Variants in WIPF1 observed in about 807,000 individuals in gnomAD.
WIPF1 encodes WAS/WASL-interacting protein family member 1.
In WIPF1, 13 loss-of-function variants were observed where a neutral mutation model predicts 35.4. That is an observed-to-expected ratio of 0.37 (90% CI 0.24 to 0.58). The LOEUF is 0.58. Among genes scored for constraint, WIPF1 ranks in the 20% least tolerant of loss-of-function variants. The pLI is 0.74. For synonymous variants in WIPF1, 267 were observed against 266.3 expected, an observed-to-expected ratio of 1.00 and a Z score of -0.02; for missense variants, 591 against 667.0, an observed-to-expected ratio of 0.89 and a Z score of 1.25.
At chr2:174,607,276 G>A (rs895090048) in intron 1 of WIPF1, among the ~76,000 whole-genome samples, 6 of 151,936 alleles carry the variant, frequency 3.9e-5, no homozygotes, top group South Asian at 2.1e-4. Context: ...GGTGGCGGGC[G>A]CCTGTAATCC....
chr2:174,586,470 G>A (rs189815363), intron 1 of WIPF1, among the ~76,000 whole-genome samples: 28 of 152,262 alleles, frequency 1.8e-4, no homozygotes, highest in Admixed American at 3.9e-4. Context: ...ACCAGATTCC[G>A]TAGCTGGGTA....
chr2:174,658,742 G>A (rs1325660404), intron 1 of WIPF1, among the ~76,000 whole-genome samples: 2 of 151,106 alleles, frequency 1.3e-5, no homozygotes, highest in Non-Finnish European at 2.9e-5. Flanking sequence ...TAGCGGGATG[G>A]TCTGGTGGAG....
intron 1 of WIPF1, among the ~76,000 whole-genome samples, chr2:174,618,265 T>G: frequency 6.6e-6 from 1 of 152,192 alleles, no homozygotes; most frequent in East Asian, 1.9e-4. Context: ...AGCTGGTCTG[T>G]CCTGAAAAGC....
At chr2:174,676,733 A>C (rs1195819354) in intron 1 of WIPF1, 1 of 152,234 alleles carries the variant, frequency 6.6e-6, no homozygotes, top group East Asian at 1.9e-4. Context: ...ACCAGGAAAT[A>C]TCACTTCTTA....
chr2:174,600,836 G>GT (rs1685979311), upstream of WIPF1, among the ~76,000 whole-genome samples: 2 of 150,976 alleles, frequency 1.3e-5, no homozygotes, highest in Admixed American at 6.6e-5. Context: ...ATCTAATGCA[G>GT]GTGTTTGAAA....
chr2:174,624,176 G>C (rs1393649014), intron 1 of WIPF1, among the ~76,000 whole-genome samples: 1 of 152,182 alleles, frequency 6.6e-6, no homozygotes, highest in East Asian at 1.9e-4. Flanking sequence ...CATCTCCTCT[G>C]GGCAGGTGGT....
At chr2:174,581,810 G>A (rs1685250297) in intron 2 of WIPF1, among the ~76,000 whole-genome samples, 1 of 152,062 alleles carries the variant, frequency 6.6e-6, no homozygotes, top group Non-Finnish European at 1.5e-5. Context: ...TTCACTAGAG[G>A]GTACCCTGAA....
intron 5 of WIPF1, among the ~76,000 whole-genome samples, chr2:174,569,356 T>C (rs1684761531): frequency 6.6e-6 from 1 of 152,130 alleles, no homozygotes; most frequent in Non-Finnish European, 1.5e-5. Context: ...CCCTATCTGC[T>C]TGTCATTGCT....
At chr2:174,587,547 C>T (rs2115872) in intron 1 of WIPF1, 45,311 of 151,968 alleles carry the variant, frequency 0.3, 7,133 homozygotes, top group Non-Finnish European at 0.35. Context: ...TAAGACAGTT[C>T]GGAAGAGTCC....
At chr2:174,591,718 T>G (rs1263601818) in intron 1 of WIPF1, among the ~76,000 whole-genome samples, 1 of 146,184 alleles carries the variant, frequency 6.8e-6, no homozygotes, top group Admixed American at 6.8e-5. Context: ...CCCCAACATT[T>G]AGAAATTCTG....
intron 1 of WIPF1, among the ~76,000 whole-genome samples, chr2:174,658,001 C>T (rs1687683260): frequency 6.6e-6 from 1 of 151,876 alleles, no homozygotes; most frequent in Non-Finnish European, 1.5e-5. Context: ...ACTAGATGCC[C>T]CCTCGGATGT....
chr2:174,656,319 T>C (rs1396389189), intron 1 of WIPF1: 1 of 152,202 alleles, frequency 6.6e-6, no homozygotes, highest in Non-Finnish European at 1.5e-5. Flanking sequence ...GGTTCTTACA[T>C]AGCAATATGT....
chr2:174,569,631 C>G (rs1684769398), intron 5 of WIPF1, among the ~76,000 whole-genome samples: 1 of 152,194 alleles, frequency 6.6e-6, no homozygotes, highest in South Asian at 2.1e-4. Context: ...CTATTTCCCA[C>G]TGGCAGAATA....
At chr2:174,641,312 A>G (rs773502062) in intron 1 of WIPF1, among the ~76,000 whole-genome samples, 1 of 152,182 alleles carries the variant, frequency 6.6e-6, no homozygotes, top group Non-Finnish European at 1.5e-5. Flanking sequence ...GCAACCTAAT[A>G]TTGATGCTGA....
intron 1 of WIPF1, among the ~76,000 whole-genome samples, chr2:174,604,011 T>C (rs1167475349): frequency 6.6e-6 from 1 of 152,248 alleles, no homozygotes; most frequent in East Asian, 1.9e-4. Context: ...TAGGCCATTT[T>C]ACACAATAAA....
intron 1 of WIPF1, among the ~76,000 whole-genome samples, chr2:174,624,660 A>G (rs1403087746): frequency 4.6e-5 from 7 of 152,216 alleles, no homozygotes; most frequent in Non-Finnish European, 1.0e-4. Flanking sequence ...AAGATGCTGG[A>G]GCAGGGTCCA....
intron 1 of WIPF1, among the ~76,000 whole-genome samples, chr2:174,675,890 G>A (rs546596801): frequency 1.2e-4 from 18 of 150,250 alleles, no homozygotes; most frequent in African/African-American, 3.9e-4. Context: ...GGATGGGCAT[G>A]AAGGCGTGGG....
intron 1 of WIPF1, among the ~76,000 whole-genome samples, chr2:174,678,770 G>A (rs899465653): frequency 2.4e-4 from 36 of 152,364 alleles, no homozygotes; most frequent in Admixed American, 1.3e-4. Context: ...AACCTCAACA[G>A]AGTAGGTTTT....
In WIPF1 at chr2:174,590,668, T is replaced by C. The variant is rs1394370559; in HGVS notation, c.-38-5057A>G. On this transcript the variant is annotated intron_variant, in intron 1 of 7. Transcript: ENST00000679041. This position sits in a 1 kb window ranked among gnomAD's most constrained non-coding sequence, Gnocchi z 4.6. ...TGTGCCTGTGTCCGGCTTCCCAGAC[T>C]AGTTGGGCTCTCAGTAGTGTCGGAT... is the stretch of plus-strand genomic sequence containing the variant. 6.6e-6 allele frequency among the ~76,000 whole-genome samples: 1 copy of C among 152,202 alleles called. No individual in the cohort carries two copies. The highest frequency in any genetic ancestry group is 2.4e-5 in the African/African-American group (1 of 41,458).
Sources: allele counts gnomAD v4.1 joint callset (sites outside exome capture counted in the v4.1 genomes callset), GRCh38; gene constraint gnomAD v4.1.1; non-coding constraint Gnocchi (gnomAD v3.1); transcripts MANE v1.5; gene names NCBI Gene and HGNC (gene_info 2026-07-23, HGNC 2026-07-21).